RP1: variants seen among roughly 807,000 people sequenced by gnomAD.
RP1 encodes the protein RP1 axonemal microtubule associated.
A neutral mutation model predicts 14.8 loss-of-function variants in RP1; 16 were observed. That is an observed-to-expected ratio of 1.08 (90% confidence interval 0.73 to 1.65). The LOEUF is 1.65. Ranked by LOEUF, RP1 falls within the 40% of genes most tolerant of loss-of-function variation. The pLI, the probability that RP1 is intolerant of heterozygous loss-of-function variation, is 0.00. For missense variants in RP1, 2,631 were observed against 2,535.0 expected (o/e 1.04, Z -0.81); for synonymous variants, 876 against 883.6 (o/e 0.99, Z 0.15).
intron 28 of RP1, among the ~76,000 whole-genome samples, chr8:54,868,999 C>T (rs536795007): frequency 5.3e-5 from 8 of 152,244 alleles, no homozygotes; most frequent in Non-Finnish European, 1.2e-4. Flanking sequence ...CTAGCATTTA[C>T]TGAATGCTTT....
At chr8:54,781,360 A>G (rs1810182747) in intron 23 of RP1, among the ~76,000 whole-genome samples, 1 of 152,204 alleles carries the variant, frequency 6.6e-6, no homozygotes, top group Admixed American at 6.5e-5. Context: ...AGATGACAAC[A>G]TTTTTTGATA....
chr8:54,574,361 T>G (rs939650555), intron 1 of RP1, among the ~76,000 whole-genome samples: 4 of 152,034 alleles, frequency 2.6e-5, no homozygotes, highest in African/African-American at 9.7e-5. Flanking sequence ...TGGCTATTGC[T>G]GGTGGTGACT....
chr8:54,673,999 T>A, intron 8 of RP1: 1 of 1,190,384 alleles, frequency 8.4e-7, no homozygotes, highest in Non-Finnish European at 1.2e-6. Flanking sequence ...TGTTCAAATC[T>A]AGAAAATACT....
chr8:54,750,307 G>T (rs1809325519), intron 19 of RP1, among the ~76,000 whole-genome samples: 1 of 152,184 alleles, frequency 6.6e-6, no homozygotes, highest in Admixed American at 6.5e-5. Flanking sequence ...CAGAAAGGCA[G>T]ATATTATCAT....
chr8:54,656,641 G>A (rs923605162), intron 6 of RP1, among the ~76,000 whole-genome samples: 1 of 151,102 alleles, frequency 6.6e-6, no homozygotes, highest in Admixed American at 6.6e-5. Flanking sequence ...ATGTCTGGCC[G>A]AAAGCAGAGA....
At chr8:54,667,180 A>C (rs1807038109) in intron 7 of RP1, among the ~76,000 whole-genome samples, 1 of 152,008 alleles carries the variant, frequency 6.6e-6, no homozygotes, top group Non-Finnish European at 1.5e-5. Context: ...GGGAGCCATC[A>C]TTTTGAAGGA....
intron 12 of RP1, among the ~76,000 whole-genome samples, chr8:54,690,816 T>C (rs1807692598): frequency 6.6e-6 from 1 of 152,040 alleles, no homozygotes; most frequent in Non-Finnish European, 1.5e-5. Context: ...TTGTACTGCA[T>C]GTGGTTGCAA....
exon 24 of RP1, chr8:54,783,595 G>A: frequency 8.1e-7 from 1 of 1,231,352 alleles, no homozygotes; most frequent in East Asian, 3.2e-5. Flanking sequence ...GAAAATGCCG[G>A]CACCACGGCA....
At chr8:54,809,224 T>G (rs1192973398) in intron 24 of RP1, among the ~76,000 whole-genome samples, 1 of 152,234 alleles carries the variant, frequency 6.6e-6, no homozygotes, top group Non-Finnish European at 1.5e-5. Flanking sequence ...TTTCTAAAGT[T>G]TAGTTGTACA....
Position 54,579,077 on chromosome 8 carries a change from T to C in RP1, c.-13+19757T>C, listed in dbSNP as rs10504169. On this transcript the variant is annotated intron_variant, in intron 1 of 22. Transcript: ENST00000636932. The stretch of plus-strand genomic sequence containing the variant: ...AGGTTGGATGCTTAGTCAATATGAG[T>C]TCTAATTCAAAATCTGCCTCAAAGT... 5.1e-3 allele frequency among the ~76,000 whole-genome samples: 781 copies of C among 152,296 alleles called. 36 individuals carry two copies. In the East Asian group the frequency reaches 0.12, roughly 23 times the overall value.
At chr8:54,733,480 T>A (rs943135972) in intron 17 of RP1, among the ~76,000 whole-genome samples, 12 of 152,296 alleles carry the variant, frequency 7.9e-5, no homozygotes, top group Admixed American at 7.2e-4. Flanking sequence ...TTTGTTTTTA[T>A]TTATATATTT....
At chr8:54,744,119 C>G (rs1432925168) in intron 19 of RP1, among the ~76,000 whole-genome samples, 1 of 152,106 alleles carries the variant, frequency 6.6e-6, no homozygotes, top group Non-Finnish European at 1.5e-5. Flanking sequence ...TATTAACATT[C>G]TATGAAAGGA....
chr8:54,769,990 G>T (rs1809862862), downstream of RP1: 2 of 504,794 alleles, frequency 4.0e-6, no homozygotes, highest in South Asian at 3.9e-5. Flanking sequence ...AATGTTGTGT[G>T]CCCTAATTGA....
chr8:54,604,146 C>T (rs975757356), intron 1 of RP1, among the ~76,000 whole-genome samples: 5 of 152,116 alleles, frequency 3.3e-5, no homozygotes, highest in African/African-American at 1.2e-4. Flanking sequence ...CCAGTTTTTG[C>T]CCATTCAGTA....
intron 25 of RP1, among the ~76,000 whole-genome samples, chr8:54,842,271 G>C (rs896875866): frequency 6.6e-6 from 1 of 152,168 alleles, no homozygotes; most frequent in Non-Finnish European, 1.5e-5. Context: ...TGTGAATCGG[G>C]GCAAGTGGCC....
At chr8:54,787,292 G>A (rs1016167267) in intron 24 of RP1, among the ~76,000 whole-genome samples, 6 of 152,140 alleles carry the variant, frequency 3.9e-5, no homozygotes, top group African/African-American at 1.4e-4. Context: ...AGTAGGCAGA[G>A]AGGAGTTTCT....
In RP1 at chr8:54,731,037, G is replaced by A. The variant is rs1303547638; in HGVS notation, c.2522-3508G>A. 2.0e-5 allele frequency among the ~76,000 whole-genome samples: 3 copies of A among 151,922 alleles called. No homozygotes were observed. In the East Asian group the frequency reaches 5.8e-4, roughly 29 times the overall value. ...AATCAGTTTTCTCAAATACTATCTT[G>A]GAATAGCATATAGAGGCTATAAAAT... On this transcript the variant is annotated intron_variant, in intron 17 of 22. Coordinates refer to the RP1 transcript ENST00000636932.
chr8:54,787,759 C>T (rs956489787), intron 24 of RP1, among the ~76,000 whole-genome samples: 1 of 152,126 alleles, frequency 6.6e-6, no homozygotes, highest in Admixed American at 6.5e-5. Context: ...GGGCACTTGC[C>T]TAATCATTGA....
intron 1 of RP1, among the ~76,000 whole-genome samples, chr8:54,561,279 A>C (rs571165964): frequency 6.6e-6 from 1 of 152,336 alleles, no homozygotes; most frequent in Non-Finnish European, 1.5e-5. Flanking sequence ...AAAATATACC[A>C]TGAAATCATT....
Sources: gnomAD v4.1 joint callset for allele counts (sites outside exome capture counted in the v4.1 genomes callset) on GRCh38, gnomAD v4.1.1 for gene constraint, MANE v1.5 for transcripts, NCBI Gene and HGNC (gene_info 2026-07-23, HGNC 2026-07-21) for gene names.